GLI3: variants seen among roughly 807,000 people sequenced by gnomAD.
GLI3 encodes the protein GLI family zinc finger 3.
In GLI3, 20 loss-of-function variants were observed where a neutral mutation model predicts 100.8. The observed-to-expected ratio is 0.20, with a 90% CI of 0.14 to 0.29. GLI3 has a LOEUF of 0.29. GLI3 is among the 10% of genes least tolerant of loss of function. The probability of loss-of-function intolerance (pLI) is 1.00; values close to 1 mark genes in which losing one functional copy is unlikely to be tolerated. For synonymous variants in GLI3, 938 were observed against 860.5 expected (o/e 1.09, Z -1.58); for missense variants, 2,040 against 2,128.5 (o/e 0.96, Z 0.82).
Position 41,964,620 on chromosome 7 carries a change from T to A in GLI3, c.4453A>T (p.Asn1485Tyr), listed in dbSNP as rs2128704858. 6.2e-7 allele frequency: 1 copy of A among 1,613,552 alleles called. No individual in the cohort carries two copies. The highest frequency in any genetic ancestry group is 8.5e-7 in the Non-Finnish European group (1 of 1,179,430). ...KNSELLSPGA[N>Y]QVTSTVDSLD... ...CTGTCCACTGTGCTTGTCACCTGAT[T>A]AGCACCTGGGGAAAGTAACTCAGAG... Residue 1485 changes from asparagine (N) to tyrosine (Y), a missense_variant, in exon 15 of 15, where the codon AAT becomes TAT. Coordinates refer to ENST00000395925, the MANE Select transcript of GLI3 (RefSeq NM_000168.6).
At chr7:42,209,820 C>CTTT (rs553838767) in intron 2 of GLI3, among the ~76,000 whole-genome samples, 6 of 138,378 alleles carry the variant, frequency 4.3e-5, no homozygotes, top group African/African-American at 1.1e-4. Flanking sequence ...GGTTCTCTCT[C>CTTT]TTTTTTTTTT....
intron 3 of GLI3, among the ~76,000 whole-genome samples, chr7:42,079,829 T>C (rs1283102578): frequency 6.6e-6 from 1 of 152,222 alleles, no homozygotes; most frequent in Non-Finnish European, 1.5e-5. Context: ...CTATGAATTA[T>C]GACAAAGTAC....
At chr7:41,992,769 C>G (rs577410144) in intron 10 of GLI3, among the ~76,000 whole-genome samples, 1 of 152,058 alleles carries the variant, frequency 6.6e-6, no homozygotes, top group East Asian at 1.9e-4. Flanking sequence ...CCAAAAGAAG[C>G]GATTAAGGCA....
rs1787121269 is a variant in GLI3 at position 41,965,021 on chromosome 7, G to T, written c.4052C>A (p.Thr1351Asn). 1.2e-6 allele frequency: 2 copies of T among 1,613,852 alleles called. No homozygotes were observed. The highest frequency in any genetic ancestry group is 1.3e-5 in the African/African-American group (1 of 75,054). Residue 1351 changes from threonine to asparagine, a missense_variant, in exon 15 of 15, where the codon ACC (threonine) becomes AAC (asparagine). Physicochemically the swap from Thr to Asn is moderately conservative, Grantham distance 65. This residue lies in a region of GLI3 where 1,041 missense variants were observed against 924.0 expected (regional missense o/e 1.13). Coordinates refer to ENST00000395925, the MANE Select transcript of GLI3 (RefSeq NM_000168.6). ...CCCTTGGTAGATGTTGATGTGTGAG[G>T]TAGCACTAATCTGCCCAAGCATCTG... The part of the protein sequence containing the change: ...GQQMLGQISA[T>N]SHINIYQGPE...
At chr7:42,098,983 C>A (rs141200282) in intron 3 of GLI3, among the ~76,000 whole-genome samples, 7 of 152,148 alleles carry the variant, frequency 4.6e-5, no homozygotes, top group Non-Finnish European at 1.0e-4. Flanking sequence ...GAAGAGCTGT[C>A]GCCATTCATC....
chr7:41,986,696 TG>T (rs1254625346), intron 10 of GLI3, among the ~76,000 whole-genome samples: 1 of 151,968 alleles, frequency 6.6e-6, no homozygotes, highest in African/African-American at 2.4e-5. Flanking sequence ...CAAAAGGGTA[TG>T]GGGTTTCTTT....
chr7:41,985,143 C>T (rs774627952), intron 10 of GLI3, among the ~76,000 whole-genome samples: 5 of 152,236 alleles, frequency 3.3e-5, no homozygotes, highest in Non-Finnish European at 7.3e-5. Flanking sequence ...CATGCCTTTG[C>T]TACATTTCTC....
chr7:41,983,382 C>G (rs947718603), intron 10 of GLI3, among the ~76,000 whole-genome samples: 1 of 151,600 alleles, frequency 6.6e-6, no homozygotes, highest in Non-Finnish European at 1.5e-5. Flanking sequence ...ATTCCTAGGA[C>G]TAAGAAAAAA....
At position 42,023,367 on chromosome 7, in the gene GLI3, G is replaced by T. The variant is rs960369346; in HGVS notation, c.1497+101C>A. ...TAAAGCCCTCTCCAGTTCGCAATGC[G>T]GCTCCTAAGAAACTTGACTCAGCTC... On this transcript the variant is annotated intron_variant, in intron 10 of 14. Coordinates refer to ENST00000395925, the MANE Select transcript of GLI3 (RefSeq NM_000168.6). 1.3e-5 allele frequency: 16 copies of T among 1,226,624 alleles called. No homozygotes were observed. The Admixed American group carries it at 1.4e-4, about 11-fold the overall frequency. 76.0% of individuals were successfully genotyped at this position (1,226,624 alleles called of 1,614,324 possible).
chr7:42,040,899 A>G (rs1784123320), intron 6 of GLI3, among the ~76,000 whole-genome samples: 1 of 152,168 alleles, frequency 6.6e-6, no homozygotes, highest in Admixed American at 6.5e-5. Flanking sequence ...TGCTACTGGA[A>G]TCTAGAGGGT....
chr7:41,989,188 G>T lies in GLI3; in HGVS notation c.1498-10440C>A, dbSNP rs79047156. Among the ~76,000 whole-genome samples, 515 of 152,290 alleles carry T rather than the reference G, an allele frequency of 3.4e-3. 5 individuals are homozygous for T. The highest frequency in any genetic ancestry group is 0.012 in the African/African-American group (502 of 41,556). On this transcript the variant is annotated intron_variant, in intron 10 of 14. Transcript: ENST00000395925. ...GAGTTAAGCAAGTAAGGATTCAGTA[G>T]TATCTATTCTAGAGATACTTTTAAA... is the stretch of plus-strand genomic sequence containing the variant.
At chr7:42,124,400 T>C (rs1343057846) in intron 3 of GLI3, among the ~76,000 whole-genome samples, 1 of 152,174 alleles carries the variant, frequency 6.6e-6, no homozygotes, top group East Asian at 1.9e-4. Flanking sequence ...CCAGTTATGG[T>C]ACTCGTTTTA....
chr7:42,252,071 T>C (rs985767348), intron 1 of GLI3, among the ~76,000 whole-genome samples: 4 of 152,060 alleles, frequency 2.6e-5, no homozygotes, highest in Admixed American at 6.6e-5. Context: ...CTATTCACAA[T>C]AGCAAAGATA....
chr7:42,182,660 A>ATATATATATATATACATGTG lies in GLI3; in HGVS notation c.125-34193_125-34192insCACATGTATATATATATATA, dbSNP rs1554337055. On this transcript the variant is annotated intron_variant, in intron 2 of 14. Coordinates refer to ENST00000395925, the MANE Select transcript of GLI3 (RefSeq NM_000168.6). Reference sequence around the variant, plus strand: ...TATGTGTGTGTATATATATATATATATATATATATATATATATATATACAC... The same window carrying ATATATATATATATACATGTG: ...TATGTGTGTGTATATATATATATATATATATATATATATACATGTGTATATATATATATATATATATACAC... 2.0e-3 allele frequency among the ~76,000 whole-genome samples: 116 copies of ATATATATATATATACATGTG among 59,102 alleles called. 8 individuals carry two copies. Among genetic ancestry groups the ATATATATATATATACATGTG allele is most frequent in the South Asian group, 7.5e-3 (13 of 1,722 alleles). 38.8% of individuals were successfully genotyped at this position (59,102 alleles called of 152,430 possible).
chr7:42,204,129 A>G lies in GLI3; in HGVS notation c.124+19001T>C, dbSNP rs1283012227. 2.0e-5 allele frequency among the ~76,000 whole-genome samples: 3 copies of G among 152,080 alleles called. No individual in the cohort carries two copies. In the East Asian group the frequency reaches 5.8e-4, roughly 29 times the overall value. ...CCACCACTCTGCTCTTCCCACTCACATGAAGGATGGAGCCCAAAGTGTCTA... is the reference window on the plus strand; with the variant it reads ...CCACCACTCTGCTCTTCCCACTCACGTGAAGGATGGAGCCCAAAGTGTCTA... On this transcript the variant is annotated intron_variant, in intron 2 of 14. Coordinates refer to ENST00000395925, the MANE Select transcript of GLI3 (RefSeq NM_000168.6).
intron 4 of GLI3, among the ~76,000 whole-genome samples, chr7:42,068,910 A>C (rs529101215): frequency 2.6e-5 from 4 of 152,302 alleles, no homozygotes; most frequent in African/African-American, 9.6e-5. Flanking sequence ...CAGTTTTCTC[A>C]AACACATACT....
At chr7:41,984,462 C>T (rs1787757819) in intron 10 of GLI3, among the ~76,000 whole-genome samples, 1 of 152,126 alleles carries the variant, frequency 6.6e-6, no homozygotes, top group Non-Finnish European at 1.5e-5. Flanking sequence ...AAGTGTCCTC[C>T]CTTCTAAGTG....
At chr7:42,246,561 G>T (rs1435841051) in intron 1 of GLI3, among the ~76,000 whole-genome samples, 1 of 152,100 alleles carries the variant, frequency 6.6e-6, no homozygotes, top group Non-Finnish European at 1.5e-5. Flanking sequence ...AGAATGACTG[G>T]CCATATCATG....
chr7:41,968,763 G>GAAGGAAAGAAAGAAA (rs1491137662), intron 13 of GLI3, among the ~76,000 whole-genome samples: 5 of 56,750 alleles, frequency 8.8e-5, no homozygotes, highest in African/African-American at 4.1e-4. Context: ...AAAGAAAGAA[G>GAAGGAAAGAAAGAAA]GAAAGAAAGA....
Sources: allele counts gnomAD v4.1 joint callset (sites outside exome capture counted in the v4.1 genomes callset), GRCh38; gene constraint gnomAD v4.1.1; regional missense constraint gnomAD v4.1.1; transcripts MANE v1.5; gene names NCBI Gene and HGNC (gene_info 2026-07-23, HGNC 2026-07-21).